ZNF423: variants seen among roughly 807,000 people sequenced by gnomAD.
The protein encoded by ZNF423 is Ebf-associated zinc finger protein.
In ZNF423, 12 loss-of-function variants were observed where a neutral mutation model predicts 95.8. That is an observed-to-expected ratio of 0.13 (90% CI 0.08 to 0.20). The LOEUF (loss-of-function observed/expected upper bound fraction) is 0.20, where lower values mean the gene tolerates loss of function less well. Among genes scored for constraint, ZNF423 ranks in the 10% least tolerant of loss-of-function variants. The pLI, the probability that ZNF423 is intolerant of heterozygous loss-of-function variation, is 1.00. For synonymous variants in ZNF423, 749 were observed against 711.9 expected, an observed-to-expected ratio of 1.05 and a Z score of -0.83; for missense variants, 1,316 against 1,737.1, an observed-to-expected ratio of 0.76 and a Z score of 4.31.
At chr16:49,812,971 G>C (rs560819891) in intron 1 of ZNF423, among the ~76,000 whole-genome samples, 77 of 152,214 alleles carry the variant, frequency 5.1e-4, no homozygotes, top group African/African-American at 1.9e-3. Flanking sequence ...CAATTCGTGT[G>C]TTTAAAAGTG....
chr16:49,580,339 C>T (rs1970632020), intron 5 of ZNF423, among the ~76,000 whole-genome samples: 1 of 152,184 alleles, frequency 6.6e-6, no homozygotes. Context: ...CCTATCCCTG[C>T]ACCAATAACA....
intron 2 of ZNF423, among the ~76,000 whole-genome samples, chr16:49,734,209 T>A (rs1327910652): frequency 6.6e-6 from 1 of 152,188 alleles, no homozygotes; most frequent in Non-Finnish European, 1.5e-5. Flanking sequence ...GATGGAATGA[T>A]TGGACCTTCC....
Position 49,806,881 on chromosome 16 carries a change from G to T in ZNF423, c.41-17335C>A, listed in dbSNP as rs531634958. Among the ~76,000 whole-genome samples the T allele has an allele frequency of 8.6e-5, 13 of 152,034 alleles. No individual in the cohort carries two copies. In the South Asian group the frequency reaches 2.5e-3, roughly 29 times the overall value. On this transcript the variant is annotated intron_variant, in intron 1 of 7. Transcript: ENST00000563137. ...GTCTCTACTAAAAATACAAAAATCA[G>T]CTGGGTATGGTAGCGCACGTCTGTA...
At chr16:49,782,307 T>A (rs2034225234) in intron 2 of ZNF423, among the ~76,000 whole-genome samples, 1 of 152,218 alleles carries the variant, frequency 6.6e-6, no homozygotes, top group Non-Finnish European at 1.5e-5. Flanking sequence ...CTCTGCCACT[T>A]CTTGGCTGAG....
chr16:49,624,825 C>T (rs1005540915), intron 5 of ZNF423, among the ~76,000 whole-genome samples: 8 of 152,132 alleles, frequency 5.3e-5, no homozygotes, highest in Non-Finnish European at 7.3e-5. Flanking sequence ...ACATCAGCAT[C>T]GTGATGACCT....
intron 7 of ZNF423, chr16:49,518,535 C>A (rs1166826769): frequency 4.5e-6 from 2 of 440,754 alleles, no homozygotes; most frequent in East Asian, 7.0e-5. Flanking sequence ...CTGCAGTATT[C>A]TAAATCAGCA....
intron 5 of ZNF423, among the ~76,000 whole-genome samples, chr16:49,566,225 T>C (rs749821047): frequency 1.2e-4 from 19 of 152,138 alleles, no homozygotes; most frequent in Non-Finnish European, 2.4e-4. Context: ...TGCTGCCCAG[T>C]GGGGAGAGAG....
At position 49,855,190 on chromosome 16, in the gene ZNF423, G is replaced by C. The variant is rs2035347727; in HGVS notation, c.40+545C>G. 6.7e-6 allele frequency among the ~76,000 whole-genome samples: 1 copy of C among 150,212 alleles called. No individual in the cohort carries two copies. The highest frequency in any genetic ancestry group is 2.4e-5 in the African/African-American group (1 of 41,256). ...CGAGGGCGCGGCGCCCGGGGCGCTC[G>C]CCGACAGCGCCCGCCGCTCCCCGCG... is the stretch of plus-strand genomic sequence containing the variant. On this transcript the variant is annotated intron_variant, in intron 1 of 7. Coordinates refer to ENST00000563137, the MANE Select transcript of ZNF423 (RefSeq NM_001379286.1). The surrounding 1 kb of genome is among the most constrained non-coding windows in gnomAD (Gnocchi z 4.7).
chr16:49,529,721 C>G (rs1295549222), intron 5 of ZNF423, among the ~76,000 whole-genome samples: 1 of 152,104 alleles, frequency 6.6e-6, no homozygotes, highest in East Asian at 1.9e-4. Flanking sequence ...CTCAGGTGGG[C>G]CCCACTGATG....
chr16:49,719,763 A>G (rs2032811667), intron 3 of ZNF423, among the ~76,000 whole-genome samples: 1 of 152,224 alleles, frequency 6.6e-6, no homozygotes, highest in African/African-American at 2.4e-5. Context: ...CTGCCTGTAC[A>G]GCCTGAGGAA....
At chr16:49,665,554 C>T (rs754507239) in intron 3 of ZNF423, among the ~76,000 whole-genome samples, 39 of 152,238 alleles carry the variant, frequency 2.6e-4, no homozygotes, top group Non-Finnish European at 2.6e-4. Context: ...GAGCTCCAAG[C>T]GGCAGGACCA....
At chr16:49,815,814 G>A (rs1288896481) in intron 1 of ZNF423, among the ~76,000 whole-genome samples, 3 of 138,072 alleles carry the variant, frequency 2.2e-5, no homozygotes, top group Non-Finnish European at 4.5e-5. Flanking sequence ...CTAGAAATCT[G>A]GATTTTTGTG....
intron 2 of ZNF423, among the ~76,000 whole-genome samples, chr16:49,737,418 C>T (rs1050817322): frequency 1.3e-5 from 2 of 152,194 alleles, no homozygotes; most frequent in African/African-American, 4.8e-5. Flanking sequence ...TACAGGCAAG[C>T]ACCATCATGC....
rs142510868 is a variant in ZNF423, at chr16:49,732,983, C to A, written c.101-2012G>T. 2.2e-3 allele frequency among the ~76,000 whole-genome samples: 331 copies of A among 152,308 alleles called. 1 individual carries two copies. Among genetic ancestry groups the A allele is most frequent in the Admixed American group, 3.9e-3 (60 of 15,304 alleles). ...TTAAGGGATGTACAGTTTTTAGGTTCTTTTATTATCAGAACGCGCCAACTC... is the reference window on the plus strand; with the variant it reads ...TTAAGGGATGTACAGTTTTTAGGTTATTTTATTATCAGAACGCGCCAACTC... On this transcript the variant is annotated intron_variant, in intron 2 of 7. Transcript: ENST00000563137.
At chr16:49,813,966 G>A (rs1273936043) in intron 1 of ZNF423, among the ~76,000 whole-genome samples, 1 of 152,226 alleles carries the variant, frequency 6.6e-6, no homozygotes, top group Non-Finnish European at 1.5e-5. Context: ...GAAGAAGCTG[G>A]AAAAAGAAAA....
At chr16:49,581,991 T>C (rs1319105324) in intron 5 of ZNF423, among the ~76,000 whole-genome samples, 2 of 152,236 alleles carry the variant, frequency 1.3e-5, no homozygotes, top group East Asian at 3.9e-4. Flanking sequence ...TCTCGCTCTC[T>C]TTATTTTGGT....
At chr16:49,842,410 A>AAGGCAGGC (rs1211045896) in intron 1 of ZNF423, among the ~76,000 whole-genome samples, 89 of 77,944 alleles carry the variant, frequency 1.1e-3, no homozygotes, top group Middle Eastern at 0.011. Context: ...GGAAGGAAGG[A>AAGGCAGGC]AGGCAGGCAG....
chr16:49,856,113 CAAAAAAAAAAAAA>C (rs1179159400), upstream of ZNF423: 14 of 2,678 alleles, frequency 5.2e-3, no homozygotes, highest in African/African-American at 0.018. Flanking sequence ...CCGAGTTATG[CAAAAAAAAAAAAA>C]AAAAAAAAAA....
intron 5 of ZNF423, among the ~76,000 whole-genome samples, chr16:49,559,999 C>T (rs751678831): frequency 1.2e-4 from 19 of 152,158 alleles, no homozygotes; most frequent in Non-Finnish European, 2.5e-4. Context: ...AAAAGGTGTG[C>T]CCAGAAAATT....
Sources: allele counts gnomAD v4.1 joint callset (sites outside exome capture counted in the v4.1 genomes callset), GRCh38; gene constraint gnomAD v4.1.1; non-coding constraint Gnocchi (gnomAD v3.1); transcripts MANE v1.5; gene names NCBI Gene and HGNC (gene_info 2026-07-23, HGNC 2026-07-21).